Variants in ZBED6 observed in about 807,000 individuals in gnomAD.
ZBED6 encodes zinc finger BED domain-containing protein 6.
Under a neutral mutation model 58.4 loss-of-function variants are expected in ZBED6, and 40 were observed. The observed-to-expected ratio is 0.68, with a 90% CI of 0.53 to 0.89. The LOEUF (loss-of-function observed/expected upper bound fraction) is 0.89. ZBED6 is among the 40% of genes least tolerant of loss of function. The pLI is 0.00. For synonymous variants in ZBED6, 439 were observed against 350.6 expected, an observed-to-expected ratio of 1.25 and a Z score of -2.82; for missense variants, 1,057 against 1,003.9, an observed-to-expected ratio of 1.05 and a Z score of -0.71.
chr1:203,833,699 A>G (rs753468155), intron 8 of ZBED6, 92 bp from the exon 9 acceptor site: 2 of 974,652 alleles, frequency 2.1e-6, no homozygotes, highest in South Asian at 5.0e-5. Context: ...GTGGATTTAC[A>G]CTAATATCAG....
chr1:203,799,395 A>G, exon 1 of ZBED6: 1 of 703,220 alleles, frequency 1.4e-6, no homozygotes, highest in South Asian at 1.5e-5. Context: ...GGCCCGTCAG[A>G]TACTGCAAGA....
intron 1 of ZBED6, among the ~76,000 whole-genome samples, chr1:203,813,215 GT>G (rs779153308): frequency 2.0e-4 from 29 of 148,302 alleles, no homozygotes; most frequent in Admixed American, 1.8e-3. Context: ...TTTGTTTTTT[GT>G]TTTTTTTTGG....
chr1:203,848,446 A>C, intron 13 of ZBED6, 39 bp downstream of exon 13: 1 of 1,507,316 alleles, frequency 6.6e-7, no homozygotes, highest in Non-Finnish European at 9.1e-7. Flanking sequence ...TTCATGGCAA[A>C]CAAAGGCTAG....
At chr1:203,816,715 A>AAT (rs1179785353) in intron 1 of ZBED6, among the ~76,000 whole-genome samples, 3 of 152,306 alleles carry the variant, frequency 2.0e-5, no homozygotes, top group Non-Finnish European at 4.4e-5. Flanking sequence ...CATCACAGAG[A>AAT]ATATAAAAGA....
chr1:203,826,162 A>C (rs1158632914), intron 3 of ZBED6, among the ~76,000 whole-genome samples: 1 of 152,154 alleles, frequency 6.6e-6, no homozygotes, highest in East Asian at 1.9e-4. Flanking sequence ...TATTACATCT[A>C]CCTTTCGGGT....
At chr1:203,799,340 A>G in exon 1 of ZBED6, 1 of 705,420 alleles carries the variant, frequency 1.4e-6, no homozygotes, top group African/African-American at 1.7e-5. Context: ...AGAATATGTT[A>G]GTGGCTGCCA....
chr1:203,810,423 G>GTT (rs765335556), intron 1 of ZBED6, among the ~76,000 whole-genome samples: 13,775 of 138,706 alleles, frequency 0.099, 949 homozygotes, highest in Non-Finnish European at 0.14. Context: ...TAGCTGTTAG[G>GTT]TTTTTTTTTT....
chr1:203,823,998 G>A (rs931992966), intron 3 of ZBED6, among the ~76,000 whole-genome samples: 4 of 152,160 alleles, frequency 2.6e-5, no homozygotes, highest in East Asian at 3.8e-4. Context: ...GCCGGGCGCC[G>A]TGGCTCATGC....
chr1:203,826,164 C>T (rs960288694), intron 3 of ZBED6, among the ~76,000 whole-genome samples: 3 of 152,060 alleles, frequency 2.0e-5, no homozygotes, highest in Admixed American at 6.6e-5. Flanking sequence ...TTACATCTAC[C>T]TTTCGGGTGT....
intron 1 of ZBED6, among the ~76,000 whole-genome samples, chr1:203,803,909 A>T (rs1671302657): frequency 6.6e-6 from 1 of 152,018 alleles, no homozygotes; most frequent in African/African-American, 2.4e-5. Context: ...CTGGCCTCCC[A>T]TTCCTTTTTA....
intron 13 of ZBED6, among the ~76,000 whole-genome samples, chr1:203,849,275 A>G (rs1688708772): frequency 6.6e-6 from 1 of 152,222 alleles, no homozygotes; most frequent in African/African-American, 2.4e-5. Flanking sequence ...TCTACAGTGT[A>G]TCATTTTACA....
At chr1:203,849,726 A>G (rs566456693) in exon 14 of ZBED6, 1 of 1,613,990 alleles carries the variant, frequency 6.2e-7, no homozygotes, top group South Asian at 1.1e-5. Flanking sequence ...AGGTGAGACC[A>G]CAGGAGTTGA....
At chr1:203,797,310 A>G in exon 1 of ZBED6, 1 of 424,182 alleles carries the variant, frequency 2.4e-6, no homozygotes, top group Non-Finnish European at 4.1e-6. Context: ...AAGGGACCTT[A>G]AAGCCCTCTA....
At chr1:203,806,633 G>T (rs1308729928) in intron 1 of ZBED6, among the ~76,000 whole-genome samples, 2 of 152,076 alleles carry the variant, frequency 1.3e-5, no homozygotes, top group East Asian at 3.9e-4. Context: ...GCATATACTA[G>T]AACATCTGGA....
At chr1:203,837,883 C>A in intron 9 of ZBED6, 83 bp from the exon 10 acceptor site, 1 of 1,279,866 alleles carries the variant, frequency 7.8e-7, no homozygotes, top group Non-Finnish European at 1.1e-6. Context: ...CAGAATTATG[C>A]TATGTTGTCT....
chr1:203,802,359 C>T (rs878946084), exon 1 of ZBED6: 2 of 152,380 alleles, frequency 1.3e-5, no homozygotes, highest in South Asian at 4.1e-4. Context: ...GAACCCAAAT[C>T]TAAAGTCTTT....
intron 1 of ZBED6, 81 bp downstream of exon 1, chr1:203,803,097 A>G (rs1196132377): frequency 1.3e-5 from 2 of 152,450 alleles, no homozygotes; most frequent in Non-Finnish European, 2.9e-5. Flanking sequence ...TGGATCAGTA[A>G]GAAATTAAAA....
intron 11 of ZBED6, among the ~76,000 whole-genome samples, chr1:203,843,168 C>T (rs1686954045): frequency 1.3e-5 from 2 of 152,116 alleles, no homozygotes; most frequent in Admixed American, 1.3e-4. Context: ...CCCTAGTATG[C>T]TGCAGGTTCA....
chr1:203,818,705 C>T lies in ZBED6; in HGVS notation c.*2873+16C>T. On this transcript the variant is annotated intron_variant, in intron 3 of 16. Transcript: ENST00000550078. ...GGAGATTGATGTAAGTTTTTTATTT[C>T]CGTTATCATAATAAGTAGTCTGGAG... is the stretch of plus-strand genomic sequence containing the variant. 6.2e-7 allele frequency: 1 copy of T among 1,613,836 alleles called. No homozygotes were observed. Among genetic ancestry groups the T allele is most frequent in the South Asian group, 1.1e-5 (1 of 91,066 alleles).
Sources: gnomAD v4.1 joint callset for allele counts (sites outside exome capture counted in the v4.1 genomes callset) on GRCh38, gnomAD v4.1.1 for gene constraint, MANE v1.5 for transcripts, NCBI Gene and HGNC (gene_info 2026-07-23, HGNC 2026-07-21) for gene names.